The following APC variants were observed in gnomAD, a reference collection of about 807,000 sequenced individuals.
The protein encoded by APC is APC regulator of Wnt signaling pathway.
Under a neutral mutation model 247.0 loss-of-function variants are expected in APC, and 72 were observed. The ratio of observed to expected loss-of-function variants is 0.29; its 90% CI spans 0.24 to 0.35. APC has a LOEUF of 0.35. Ranked by LOEUF, APC falls within the 10% of genes least tolerant of loss-of-function variation. APC has a pLI of 1.00. For missense variants in APC, 3,400 were observed against 3,360.7 expected, an observed-to-expected ratio of 1.01 and a Z score of -0.29; for synonymous variants, 1,254 against 1,162.5, an observed-to-expected ratio of 1.08 and a Z score of -1.60.
chr5:112,761,712 G>A (rs939673861), intron 2 of APC, among the ~76,000 whole-genome samples: 2 of 152,146 alleles, frequency 1.3e-5, no homozygotes, highest in African/African-American at 4.8e-5. Context: ...GAATGCCAAA[G>A]CACCATATAT....
rs2149985043 is a variant in APC, at chr5:112,842,941, C to T, written c.7347C>T (p.Ser2449=). The T allele has an allele frequency of 6.2e-7, 1 of 1,613,976 alleles. No individual in the cohort carries two copies. Among genetic ancestry groups the T allele is most frequent in the Non-Finnish European group, 8.5e-7 (1 of 1,179,856 alleles). Residue 2449 remains serine (S), a synonymous_variant, in exon 16 of 16, where the codon AGC becomes AGT. Transcript: ENST00000257430. ...CAACTTTCATCAAAGAAGCTCCAAG[C>T]CCAACCTTAAGAAGAAAATTGGAGG... ...RQSTFIKEAP[S]PTLRRKLEES...
chr5:112,833,573 C>A (rs976893568), intron 14 of APC, among the ~76,000 whole-genome samples: 1 of 152,170 alleles, frequency 6.6e-6, no homozygotes, highest in African/African-American at 2.4e-5. Context: ...ATCCACCCAC[C>A]TCAGCCTCCC....
At chr5:112,721,464 T>G (rs1485174673) in intron 1 of APC, among the ~76,000 whole-genome samples, 5 of 152,012 alleles carry the variant, frequency 3.3e-5, no homozygotes, top group Non-Finnish European at 7.4e-5. Flanking sequence ...ATTTTTGAGA[T>G]TTTTGGTTAA....
Position 112,737,925 on chromosome 5 carries a change from G to T in APC, c.-19G>T. The T allele has an allele frequency of 1.0e-6, 1 of 985,920 alleles. No homozygotes were observed. The highest frequency in any genetic ancestry group is 1.7e-5 in the African/African-American group (1 of 57,366). The allele number at this position is 985,920 out of a possible 1,614,324, so 61.1% of individuals were successfully genotyped here. On this transcript the variant is annotated splice_region_variant and 5_prime_UTR_variant, in exon 1 of 16. Coordinates refer to ENST00000257430, the MANE Select transcript of APC (RefSeq NM_000038.6). ...GAGGTGCTGCCGGACTCGGAAATGG[G>T]GTAGGTGCTGGAGCCACCATGGCCA...
intron 5 of APC, among the ~76,000 whole-genome samples, chr5:112,775,990 G>A (rs559997812): frequency 6.6e-6 from 1 of 152,218 alleles, no homozygotes; most frequent in South Asian, 2.1e-4. Flanking sequence ...GAATTCTAGA[G>A]GACCTCAGGG....
intron 2 of APC, among the ~76,000 whole-genome samples, chr5:112,758,364 G>A (rs1446977167): frequency 1.3e-5 from 2 of 151,970 alleles, no homozygotes; most frequent in African/African-American, 4.8e-5. Context: ...TCACACTGTC[G>A]CCTGGGCTCT....
intron 4 of APC, among the ~76,000 whole-genome samples, chr5:112,768,981 G>C (rs1756698898): frequency 6.8e-6 from 1 of 147,748 alleles, no homozygotes; most frequent in African/African-American, 2.5e-5. Context: ...CTTTCCCTCT[G>C]TGTTTCCTAG....
intron 5 of APC, chr5:112,778,218 T>A (rs1004392006): frequency 5.6e-6 from 1 of 179,692 alleles, no homozygotes; most frequent in Non-Finnish European, 1.2e-5. Context: ...GGAGCTGATA[T>A]TCACCACCTC....
chr5:112,777,198 C>T (rs575781655), intron 5 of APC, among the ~76,000 whole-genome samples: 2 of 151,690 alleles, frequency 1.3e-5, no homozygotes, highest in East Asian at 3.9e-4. Context: ...ATTGGATTAC[C>T]TGTGATTTTT....
intron 6 of APC, among the ~76,000 whole-genome samples, chr5:112,787,033 A>G (rs1044599223): frequency 1.3e-5 from 2 of 151,954 alleles, no homozygotes; most frequent in African/African-American, 2.4e-5. Flanking sequence ...AATTACAGGC[A>G]TGTGCCACCA....
intron 8 of APC, among the ~76,000 whole-genome samples, chr5:112,803,648 T>C (rs1438545862): frequency 6.6e-6 from 1 of 152,232 alleles, no homozygotes; most frequent in African/African-American, 2.4e-5. Flanking sequence ...TGTTAACAAG[T>C]GTTAATAATT....
rs786202822 is a variant in APC at position 112,775,666 on chromosome 5, G to A, written c.460G>A (p.Glu154Lys). Residue 154 changes from glutamate (E) to lysine (K), a missense_variant, in exon 5 of 16, where the codon GAA becomes AAA. Glu to Lys is a moderately conservative substitution (Grantham distance 56, BLOSUM62 1). Coordinates refer to ENST00000257430, the MANE Select transcript of APC (RefSeq NM_000038.6). ...TGCTGATCTTGACAAAGAAGAAAAG[G>A]AAAAAGACTGGTATTACGCTCAACT... ...LLADLDKEEK[E>K]KDWYYAQLQN... The A allele has an allele frequency of 1.2e-6, 2 of 1,606,646 alleles. No individual in the cohort carries two copies. The highest frequency in any genetic ancestry group is 2.7e-5 in the African/African-American group (2 of 74,354).
At chr5:112,739,523 AT>A (rs1752740198) in intron 1 of APC, among the ~76,000 whole-genome samples, 1 of 152,210 alleles carries the variant, frequency 6.6e-6, no homozygotes, top group Non-Finnish European at 1.5e-5. Flanking sequence ...TTAAAAAATT[AT>A]TTCTGCTTTA....
chr5:112,762,664 A>G (rs1755802811), intron 2 of APC, among the ~76,000 whole-genome samples: 1 of 152,210 alleles, frequency 6.6e-6, no homozygotes, highest in Admixed American at 6.5e-5. Flanking sequence ...TAAAGAAGCC[A>G]GAATAGTGGT....
At chr5:112,752,312 A>G (rs1479203871) in intron 1 of APC, among the ~76,000 whole-genome samples, 1 of 152,318 alleles carries the variant, frequency 6.6e-6, no homozygotes, top group Middle Eastern at 3.4e-3. Context: ...GAAAATAATA[A>G]TCCTCCACAT....
At chr5:112,741,090 T>C (rs900583102) in intron 1 of APC, among the ~76,000 whole-genome samples, 7 of 152,192 alleles carry the variant, frequency 4.6e-5, no homozygotes, top group African/African-American at 1.7e-4. Context: ...TTAGGAAATA[T>C]ATTCACTACA....
chr5:112,842,998 A>G lies in APC; in HGVS notation c.7404A>G (p.Ser2468=), dbSNP rs863224287. Residue 2468 remains serine (S), a synonymous_variant, in exon 16 of 16, where the codon TCA becomes TCG. Coordinates refer to ENST00000257430, the MANE Select transcript of APC (RefSeq NM_000038.6). The part of the protein sequence containing the change: ...ESASFESLSP[S]SRPASPTRSQ... ...CTTCATTTGAATCTCTTTCTCCATC[A>G]TCTAGACCAGCTTCTCCCACTAGGT... 6 of 1,614,054 alleles carry G rather than the reference A, an allele frequency of 3.7e-6. No homozygotes were observed.
rs577841571 is a variant in APC at position 112,761,231 on chromosome 5, C to T, written c.136-5095C>T. Among the ~76,000 whole-genome samples the T allele has an allele frequency of 1.4e-4, 22 of 152,226 alleles. 2 individuals carry two copies. In the South Asian group the frequency reaches 4.1e-3, roughly 29 times the overall value. ...TAAGTCTCTTTTGTTCTTGTATACA[C>T]AGTTGGCATACAGTCAAACGTTATA... On this transcript the variant is annotated intron_variant, in intron 2 of 15. Transcript: ENST00000257430.
intron 4 of APC, among the ~76,000 whole-genome samples, chr5:112,768,798 G>A (rs1021900506): frequency 4.6e-5 from 7 of 151,842 alleles, no homozygotes; most frequent in South Asian, 2.1e-4. Flanking sequence ...GTACAGTAGC[G>A]TAGAACACAG....
Sources: gnomAD v4.1 joint callset for allele counts (sites outside exome capture counted in the v4.1 genomes callset) on GRCh38, gnomAD v4.1.1 for gene constraint, MANE v1.5 for transcripts, NCBI Gene and HGNC (gene_info 2026-07-23, HGNC 2026-07-21) for gene names.